The following ARID1B variants were observed in gnomAD, a reference collection of about 807,000 sequenced individuals.
ARID1B encodes AT-rich interactive domain-containing protein 1B.
In ARID1B, 30 loss-of-function variants were observed where a neutral mutation model predicts 212.3. That is an observed-to-expected ratio of 0.14 (90% CI 0.11 to 0.19). The LOEUF (loss-of-function observed/expected upper bound fraction) is 0.19. Among genes scored for constraint, ARID1B ranks in the 10% least tolerant of loss-of-function variants. The pLI, the probability that ARID1B is intolerant of heterozygous loss-of-function variation, is 1.00. For missense variants in ARID1B, 2,891 were observed against 3,204.0 expected (o/e 0.90, Z 2.36); for synonymous variants, 1,402 against 1,301.7 (o/e 1.08, Z -1.66).
At chr6:156,846,325 T>A (rs562377207) in intron 2 of ARID1B, among the ~76,000 whole-genome samples, 10 of 20,786 alleles carry the variant, frequency 4.8e-4, no homozygotes, top group Admixed American at 1.7e-3. Flanking sequence ...TGGCTAATAT[T>A]TTTTTTTTTT....
At chr6:156,786,606 T>C (rs144622702) in intron 1 of ARID1B, among the ~76,000 whole-genome samples, 2 of 152,342 alleles carry the variant, frequency 1.3e-5, no homozygotes, top group Non-Finnish European at 2.9e-5. Context: ...GAACTGTTAC[T>C]TAAGAGCTTG....
At chr6:156,965,218 C>T (rs1412918975) in intron 4 of ARID1B, among the ~76,000 whole-genome samples, 2 of 152,168 alleles carry the variant, frequency 1.3e-5, no homozygotes, top group African/African-American at 4.8e-5. Context: ...AAAGGAATAA[C>T]ATAATTCTGC....
intron 6 of ARID1B, among the ~76,000 whole-genome samples, chr6:157,123,944 G>A (rs1477943300): frequency 6.6e-6 from 1 of 152,222 alleles, no homozygotes; most frequent in African/African-American, 2.4e-5. Flanking sequence ...CCAGGCAGTT[G>A]GTCTGCAGAG....
At chr6:157,006,786 T>C (rs1342702635) in intron 4 of ARID1B, among the ~76,000 whole-genome samples, 6 of 152,250 alleles carry the variant, frequency 3.9e-5, no homozygotes, top group Non-Finnish European at 7.3e-5. Flanking sequence ...AAATTGAATA[T>C]TTTTATTTCA....
chr6:157,099,109 GCCCACCACCAC>G (rs1171058923), intron 5 of ARID1B, among the ~76,000 whole-genome samples: 2 of 152,076 alleles, frequency 1.3e-5, no homozygotes, highest in East Asian at 3.9e-4. Flanking sequence ...GATTACAGGT[GCCCACCACCAC>G]GCATTTTTGT....
In ARID1B at chr6:157,206,818, A is replaced by C. The variant is rs2128394458; in HGVS notation, c.6046A>C (p.Asn2016His). ...GCCAGGGGCATTGCCTGAAGACGCA[A>C]ACCCTGGGCCCCAGACCGAAAGCAG... ...ARPGALPEDA[N>H]PGPQTESSKF... The change falls in exon 20 of 20, where the codon AAC (asparagine) becomes CAC (histidine). Residue 2016 changes from asparagine (N) to histidine (H), a missense_variant. Around this residue, in one of 7 missense-constraint regions of ARID1B, gnomAD observed 332 missense variants for 369.2 expected, o/e 0.90. Transcript: ENST00000636930. The surrounding 1 kb of genome is among the most constrained non-coding windows in gnomAD (Gnocchi z 6.8). 6.2e-7 allele frequency: 1 copy of C among 1,614,092 alleles called. No homozygotes were observed. Among genetic ancestry groups the C allele is most frequent in the East Asian group, 2.2e-5 (1 of 44,884 alleles).
chr6:157,130,996 A>G (rs780981409), intron 6 of ARID1B, among the ~76,000 whole-genome samples: 1 of 152,184 alleles, frequency 6.6e-6, no homozygotes, highest in Non-Finnish European at 1.5e-5. Flanking sequence ...TGTCCTAATG[A>G]GTATTTCACA....
chr6:156,777,850 T>C lies in ARID1B; in HGVS notation c.170T>C (p.Met57Thr), dbSNP rs1778734887. The C allele has an allele frequency of 7.6e-7, 1 of 1,313,596 alleles. No individual in the cohort carries two copies. Among genetic ancestry groups the C allele is most frequent in the African/African-American group, 1.6e-5 (1 of 61,908 alleles). The allele number at this position is 1,313,596 out of a possible 1,614,324, so 81.4% of individuals were successfully genotyped here. Residue 57 changes from methionine (M) to threonine (T), a missense_variant, in exon 1 of 20, where the codon ATG becomes ACG. This residue lies in a region of ARID1B where 1,643 missense variants were observed against 1,544.0 expected (regional missense o/e 1.06). Coordinates refer to ENST00000636930, the MANE Select transcript of ARID1B (RefSeq NM_001374828.1). ...GCGGCGGCGGCGGCACCGGGACCCA[T>C]GCTGGGGGGCGGCGGCGACGGCGGC... is the stretch of plus-strand genomic sequence containing the variant. Reference protein sequence around the residue: ...AAAAAAAPGPMLGGGGDGGGG... With the variant: ...AAAAAAAPGPTLGGGGDGGGG...
Position 157,019,953 on chromosome 6 carries a change from A to C in ARID1B, c.2248-64709A>C, listed in dbSNP as rs867404856. On this transcript the variant is annotated intron_variant, in intron 4 of 19. Coordinates refer to ENST00000636930, the MANE Select transcript of ARID1B (RefSeq NM_001374828.1). The stretch of plus-strand genomic sequence containing the variant: ...TCATATGCAGCCATTATGTTTCTAG[A>C]GCTAGAACCATCTGAAAATCTTAAG... 4.6e-5 allele frequency among the ~76,000 whole-genome samples: 7 copies of C among 152,310 alleles called. 1 individual carries two copies. In the Middle Eastern group the frequency reaches 0.02, roughly 444 times the overall value.
At chr6:157,017,711 T>A (rs1411617393) in intron 4 of ARID1B, among the ~76,000 whole-genome samples, 1 of 152,120 alleles carries the variant, frequency 6.6e-6, no homozygotes, top group Non-Finnish European at 1.5e-5. Context: ...GTTAGGACAA[T>A]CCATGAGTAA....
intron 4 of ARID1B, among the ~76,000 whole-genome samples, chr6:156,966,686 C>T (rs769765874): frequency 4.1e-5 from 6 of 147,660 alleles, no homozygotes; most frequent in African/African-American, 1.0e-4. Flanking sequence ...TGAGCCACTG[C>T]GCCTGGCCAT....
intron 2 of ARID1B, among the ~76,000 whole-genome samples, chr6:156,848,051 A>G (rs1209811624): frequency 6.6e-6 from 1 of 152,228 alleles, no homozygotes; most frequent in African/African-American, 2.4e-5. Context: ...TCAAGGAAAG[A>G]TGCAGTGGTG....
At chr6:156,973,792 A>C (rs1364077859) in intron 4 of ARID1B, among the ~76,000 whole-genome samples, 1 of 152,128 alleles carries the variant, frequency 6.6e-6, no homozygotes. Flanking sequence ...AATTTATTTC[A>C]ATATTTACCG....
At chr6:157,127,695 G>T (rs1788224820) in intron 6 of ARID1B, among the ~76,000 whole-genome samples, 1 of 145,466 alleles carries the variant, frequency 6.9e-6, no homozygotes, top group Non-Finnish European at 1.5e-5. Flanking sequence ...AGAATCGCTT[G>T]AACTCAGGAG....
intron 5 of ARID1B, among the ~76,000 whole-genome samples, chr6:157,086,668 G>A (rs906108763): frequency 3.3e-5 from 5 of 152,142 alleles, no homozygotes; most frequent in Non-Finnish European, 5.9e-5. Flanking sequence ...TTCTAAACTT[G>A]TATATTCATT....
chr6:156,790,225 A>C (rs1779918867), intron 1 of ARID1B, among the ~76,000 whole-genome samples: 1 of 152,262 alleles, frequency 6.6e-6, no homozygotes, highest in African/African-American at 2.4e-5. Flanking sequence ...TAATTGAAGA[A>C]TTTAATTTTC....
chr6:156,952,812 A>G (rs922843759), intron 4 of ARID1B, among the ~76,000 whole-genome samples: 1 of 152,252 alleles, frequency 6.6e-6, no homozygotes, highest in Non-Finnish European at 1.5e-5. Flanking sequence ...GTAAAACAAT[A>G]ATATTGTAGT....
In ARID1B at chr6:157,174,901, G is replaced by A; in HGVS notation, c.3400G>A (p.Val1134Ile). The A allele has an allele frequency of 1.3e-6, 2 of 1,553,010 alleles. No homozygotes were observed. The highest frequency in any genetic ancestry group is 1.2e-5 in the South Asian group (1 of 83,614). ...SQPPTPGNLP[V>I]PSPMSPSSAS... is the part of the protein sequence containing the mutation. ...GCCCCCAACCCCAGGCAACCTGCCA[G>A]TCCCTTCCCCAATGTCCCCCAGCTC... Residue 1134 changes from valine (V) to isoleucine (I), a missense_variant, in exon 11 of 20, where the codon GTC becomes ATC. Coordinates refer to ENST00000636930, the MANE Select transcript of ARID1B (RefSeq NM_001374828.1).
intron 3 of ARID1B, among the ~76,000 whole-genome samples, chr6:156,924,031 A>G (rs372298415): frequency 1.3e-5 from 2 of 152,216 alleles, no homozygotes; most frequent in Non-Finnish European, 2.9e-5. Flanking sequence ...AAAAATAACA[A>G]TAGCTGACAT....
Sources: allele counts gnomAD v4.1 joint callset (sites outside exome capture counted in the v4.1 genomes callset), GRCh38; gene constraint gnomAD v4.1.1; regional missense constraint gnomAD v4.1.1; non-coding constraint Gnocchi (gnomAD v3.1); transcripts MANE v1.5; gene names NCBI Gene and HGNC (gene_info 2026-07-23, HGNC 2026-07-21).